The following CELA2B variants were observed in gnomAD, a reference collection of about 807,000 sequenced individuals.
The protein encoded by CELA2B is chymotrypsin-like elastase family member 2B.
CELA2B carries 27 observed loss-of-function variants against 36.5 expected under a neutral mutation model. The observed-to-expected ratio is 0.74, with a 90% CI of 0.55 to 1.02. The LOEUF (loss-of-function observed/expected upper bound fraction) is 1.02, where lower values mean the gene tolerates loss of function less well. Among genes scored for constraint, CELA2B ranks in the 50% least tolerant of loss-of-function variants. The pLI, the probability that CELA2B is intolerant of heterozygous loss-of-function variation, is 0.00. For synonymous variants in CELA2B, 143 were observed against 148.5 expected (o/e 0.96, Z 0.27); for missense variants, 340 against 347.8 (o/e 0.98, Z 0.18).
Position 15,483,310 on chromosome 1 carries a change from G to C in CELA2B, c.403G>C (p.Asp135His), listed in dbSNP as rs773571189. The C allele has an allele frequency of 6.2e-7, 1 of 1,613,974 alleles. No homozygotes were observed. The highest frequency in any genetic ancestry group is 1.1e-5 in the South Asian group (1 of 91,078). ...LKLANPVSLT[D>H]KIQLACLPPA... The stretch of plus-strand genomic sequence containing the variant: ...ACTGGCTAACCCCGTCTCCCTCACC[G>C]ACAAGATCCAGCTGGCCTGCCTCCC... The change falls in exon 5 of 8, where the codon GAC becomes CAC. Residue 135 changes from aspartate to histidine, a missense_variant. Coordinates refer to ENST00000375910, the MANE Select transcript of CELA2B (RefSeq NM_015849.3).
chr1:15,487,923 C>T (rs545905975), intron 7 of CELA2B, among the ~76,000 whole-genome samples: 10 of 152,224 alleles, frequency 6.6e-5, no homozygotes, highest in Non-Finnish European at 1.3e-4. Context: ...TTCCAGGATG[C>T]GGGACTTCCT....
intron 2 of CELA2B, among the ~76,000 whole-genome samples, chr1:15,480,341 C>T (rs981020700): frequency 7.2e-5 from 11 of 152,136 alleles, no homozygotes; most frequent in African/African-American, 2.7e-4. Flanking sequence ...TCCTGAGTAG[C>T]TGGGACTACA....
At chr1:15,482,152 C>A in intron 3 of CELA2B, 113 bp from the exon 4 acceptor site, 1 of 1,351,286 alleles carries the variant, frequency 7.4e-7, no homozygotes, top group Admixed American at 2.1e-5. Flanking sequence ...AGGAAAGATC[C>A]CCAAGTGCCA....
intron 7 of CELA2B, among the ~76,000 whole-genome samples, chr1:15,490,126 A>T (rs367646717): frequency 6.6e-6 from 1 of 152,166 alleles, no homozygotes; most frequent in Non-Finnish European, 1.5e-5. Context: ...TGCCCACCTC[A>T]GCCTCCCAAT....
chr1:15,480,404 C>T (rs1046767856), intron 2 of CELA2B, among the ~76,000 whole-genome samples: 9 of 152,058 alleles, frequency 5.9e-5, no homozygotes, highest in African/African-American at 1.5e-4. Flanking sequence ...TCTGTAGAGA[C>T]GGTGTATTAA....
chr1:15,490,640 G>A (rs1195086931), intron 7 of CELA2B, among the ~76,000 whole-genome samples: 2 of 152,238 alleles, frequency 1.3e-5, no homozygotes, highest in East Asian at 3.9e-4. Flanking sequence ...AGCCGAGACG[G>A]GTAGATCACT....
chr1:15,491,199 G>A, intron 7 of CELA2B, 96 bp from the exon 8 acceptor site: 1 of 1,458,168 alleles, frequency 6.9e-7, no homozygotes, highest in Non-Finnish European at 9.6e-7. Flanking sequence ...TGACTCACTT[G>A]AGTAGCTTAG....
chr1:15,476,137 C>T lies in CELA2B; in HGVS notation c.12C>T (p.Thr4=), dbSNP rs201639876. The change falls in exon 1 of 8, where the codon ACC becomes ACT. Residue 4 remains threonine, a synonymous_variant. Coordinates refer to ENST00000375910, the MANE Select transcript of CELA2B (RefSeq NM_015849.3). ...CCCACGGACACACCATGATTAGGAC[C>T]CTGCTGCTGTCCACTTTGGTGGCTG... MIR[T]LLLSTLVAGA... 2 of 1,614,086 alleles carry T rather than the reference C, an allele frequency of 1.2e-6. No homozygotes were observed. The highest frequency in any genetic ancestry group is 1.3e-5 in the African/African-American group (1 of 75,020).
In CELA2B at chr1:15,476,531, A is replaced by T. The variant is rs147610320; in HGVS notation, c.115A>T (p.Ser39Cys). The T allele has an allele frequency of 2.3e-5, 37 of 1,613,780 alleles. No individual in the cohort carries two copies. Among genetic ancestry groups the T allele is most frequent in the Non-Finnish European group, 3.1e-5 (37 of 1,180,032 alleles). ...TGGAGGTGAAGAAGCGAGGCCCAAC[A>T]GCTGGCCCTGGCAGGTGAGTTGACC... is the stretch of plus-strand genomic sequence containing the variant. Reference protein sequence around the residue: ...MLGGEEARPNSWPWQVSLQYS... With the variant: ...MLGGEEARPNCWPWQVSLQYS... Residue 39 changes from serine (S) to cysteine (C), a missense_variant, in exon 2 of 8, where the codon AGC (serine) becomes TGC (cysteine). Coordinates refer to ENST00000375910, the MANE Select transcript of CELA2B (RefSeq NM_015849.3).
At position 15,487,158 on chromosome 1, in the gene CELA2B, G is replaced by C. The variant is rs568063642; in HGVS notation, c.640-127G>C. 1.2e-5 allele frequency: 10 copies of C among 838,680 alleles called. No homozygotes were observed. In the East Asian group the frequency reaches 2.5e-4, roughly 21 times the overall value. 52.0% of individuals were successfully genotyped at this position (838,680 alleles called of 1,614,324 possible). A position where few individuals can be genotyped will look rare whatever the true frequency, so the allele number is the denominator to read the frequency against. ...GAATTATGGTACCACCTTGAGCTATGACCACAAGGACCAGCTTCAGAGGAC... is the reference window on the plus strand; with the variant it reads ...GAATTATGGTACCACCTTGAGCTATCACCACAAGGACCAGCTTCAGAGGAC... On this transcript the variant is annotated intron_variant, in intron 6 of 7. Coordinates refer to ENST00000375910, the MANE Select transcript of CELA2B (RefSeq NM_015849.3).
At chr1:15,478,844 G>T (rs1383580830) in intron 2 of CELA2B, among the ~76,000 whole-genome samples, 1 of 152,126 alleles carries the variant, frequency 6.6e-6, no homozygotes, top group Non-Finnish European at 1.5e-5. Context: ...TGAGCTTACA[G>T]GTGTGAGCCA....
rs114887288 is a variant in CELA2B at position 15,491,033 on chromosome 1, G to A, written c.793-262G>A. ...TTGGCATATAATTTTTAGGGGGTTCGAAGGCCCCCTGACCTGAAGCCCACA... is the reference window on the plus strand; with the variant it reads ...TTGGCATATAATTTTTAGGGGGTTCAAAGGCCCCCTGACCTGAAGCCCACA... On this transcript the variant is annotated intron_variant, in intron 7 of 7. Transcript: ENST00000375910. The A allele has an allele frequency of 3.1e-3, 1,516 of 494,418 alleles. 25 individuals are homozygous for A. The highest frequency in any genetic ancestry group is 0.026 in the African/African-American group (1,331 of 52,148). The allele number at this position is 494,418 out of a possible 1,614,324, so 30.6% of individuals were successfully genotyped here.
At chr1:15,482,810 G>C (rs1441488000) in intron 4 of CELA2B, among the ~76,000 whole-genome samples, 1 of 152,004 alleles carries the variant, frequency 6.6e-6, no homozygotes, top group African/African-American at 2.4e-5. Context: ...TTGTGAGATG[G>C]AGTCTCGCTC....
At chr1:15,488,712 T>C (rs1708835415) in intron 7 of CELA2B, among the ~76,000 whole-genome samples, 1 of 152,222 alleles carries the variant, frequency 6.6e-6, no homozygotes, top group African/African-American at 2.4e-5. Context: ...CTTCACTAAG[T>C]TTAATTTGCA....
At chr1:15,481,288 G>C in intron 3 of CELA2B, 93 bp downstream of exon 3, 1 of 1,453,490 alleles carries the variant, frequency 6.9e-7, no homozygotes, top group Non-Finnish European at 9.7e-7. Flanking sequence ...ACTACATGAA[G>C]TAACCTTGCA....
intron 3 of CELA2B, 95 bp from the exon 4 acceptor site, chr1:15,482,170 G>A (rs1395270994): frequency 4.0e-6 from 6 of 1,490,786 alleles, no homozygotes; most frequent in Non-Finnish European, 5.4e-6. Flanking sequence ...CCAACTAGTG[G>A]CTCATGAAGC....
chr1:15,482,279 AC>A lies in CELA2B; in HGVS notation c.244del (p.Arg82AlafsTer2). On this transcript the variant is annotated frameshift_variant, in exon 4 of 8. Transcript: ENST00000375910. LOFTEE classifies it high-confidence loss of function. Reference sequence around the variant, plus strand: ...CTTTCTCCCAGCTCCTCCGGGATCTACCGCGTGATGCTGGGCCAGCATAACC... The same window carrying A: ...CTTTCTCCCAGCTCCTCCGGGATCTACGCGTGATGCTGGGCCAGCATAACC... ...AAHCISSSGI[Y>X]RVMLGQHNLY... 6.2e-7 allele frequency: 1 copy of A among 1,613,924 alleles called. No individual in the cohort carries two copies. Among genetic ancestry groups the A allele is most frequent in the Non-Finnish European group, 8.5e-7 (1 of 1,179,916 alleles).
intron 2 of CELA2B, among the ~76,000 whole-genome samples, chr1:15,480,184 G>A (rs898228219): frequency 2.6e-5 from 4 of 152,106 alleles, no homozygotes; most frequent in African/African-American, 9.7e-5. Context: ...CCAAAGGGTA[G>A]CAACCACTCC....
chr1:15,476,595 C>T lies in CELA2B; in HGVS notation c.129+50C>T. 1.3e-6 allele frequency: 2 copies of T among 1,550,564 alleles called. 1 individual carries two copies. The highest frequency in any genetic ancestry group is 2.2e-5 in the South Asian group (2 of 89,724). On this transcript the variant is annotated intron_variant, in intron 2 of 7. Coordinates refer to ENST00000375910, the MANE Select transcript of CELA2B (RefSeq NM_015849.3). Reference sequence around the variant, plus strand: ...CCCCGTCCCTGCCCCACTCCCTTTACATCCCCCCTTTGCCCTTCCACCATG... The same window carrying T: ...CCCCGTCCCTGCCCCACTCCCTTTATATCCCCCCTTTGCCCTTCCACCATG...
Sources: allele counts gnomAD v4.1 joint callset (sites outside exome capture counted in the v4.1 genomes callset), GRCh38; gene constraint gnomAD v4.1.1; transcripts MANE v1.5; gene names NCBI Gene and HGNC (gene_info 2026-07-23, HGNC 2026-07-21).